The following PLCZ1 variants were observed in gnomAD, a reference collection of about 807,000 sequenced individuals.
PLCZ1 encodes phospholipase C zeta 1.
PLCZ1 carries 64 observed loss-of-function variants against 76.8 expected under a neutral mutation model. That is an observed-to-expected ratio of 0.83 (90% CI 0.68 to 1.03). The LOEUF (loss-of-function observed/expected upper bound fraction) is 1.03, where lower values mean the gene tolerates loss of function less well. Ranked by LOEUF, PLCZ1 falls within the 50% of genes least tolerant of loss-of-function variation. The probability of loss-of-function intolerance (pLI) is 0.00; values close to 1 mark genes in which losing one functional copy is unlikely to be tolerated. For missense variants in PLCZ1, 751 were observed against 713.7 expected, an observed-to-expected ratio of 1.05 and a Z score of -0.60; for synonymous variants, 248 against 230.8, an observed-to-expected ratio of 1.07 and a Z score of -0.68.
At chr12:18,697,742 CTTTA>C (rs1408836783) in intron 10 of PLCZ1, among the ~76,000 whole-genome samples, 1 of 151,962 alleles carries the variant, frequency 6.6e-6, no homozygotes, top group Non-Finnish European at 1.5e-5. Context: ...AAACCGTTAT[CTTTA>C]TTTACTATAA....
At chr12:18,680,511 A>G (rs1382353200), downstream of PLCZ1, among the ~76,000 whole-genome samples, 1 of 152,048 alleles carries the variant, frequency 6.6e-6, no homozygotes, top group African/African-American at 2.4e-5. Flanking sequence ...TTTCCCAGAC[A>G]AAAGTCCAGA....
chr12:18,669,960 G>C, the PLCZ1 span, among the ~76,000 whole-genome samples: 1 of 152,006 alleles, frequency 6.6e-6, no homozygotes, highest in Non-Finnish European at 1.5e-5. Flanking sequence ...GAGCCACCGC[G>C]CCCGGCCCTC....
chr12:18,660,960 A>T, the PLCZ1 span, among the ~76,000 whole-genome samples: 1 of 152,170 alleles, frequency 6.6e-6, no homozygotes, highest in Non-Finnish European at 1.5e-5. Flanking sequence ...ATAAAAATAT[A>T]GAAAACCCAA....
chr12:18,693,999 G>A (rs2137155075), intron 12 of PLCZ1: 1 of 1,486,716 alleles, frequency 6.7e-7, no homozygotes, highest in Admixed American at 1.7e-5. Flanking sequence ...ATGGCCTTAA[G>A]AGAACGTAGA....
At chr12:18,730,998 T>A (rs578063134) in intron 3 of PLCZ1, 2 of 152,148 alleles carry the variant, frequency 1.3e-5, no homozygotes, top group African/African-American at 2.4e-5. Flanking sequence ...TGATACCTTA[T>A]GGCCACATGC....
At chr12:18,659,867 T>C in the PLCZ1 span, among the ~76,000 whole-genome samples, 1 of 152,160 alleles carries the variant, frequency 6.6e-6, no homozygotes, top group Non-Finnish European at 1.5e-5. Flanking sequence ...AGTTAACTGC[T>C]AGTTGACTTA....
the PLCZ1 span, among the ~76,000 whole-genome samples, chr12:18,650,867 C>T: frequency 6.6e-6 from 1 of 151,002 alleles, no homozygotes; most frequent in Admixed American, 6.6e-5. Context: ...TCTGGTCCAA[C>T]TTACTGCTAT....
chr12:18,730,627 T>C (rs981906777), intron 3 of PLCZ1, among the ~76,000 whole-genome samples: 4 of 152,164 alleles, frequency 2.6e-5, no homozygotes, highest in African/African-American at 9.6e-5. Context: ...GGCCTGCTCA[T>C]GTCCGTAATC....
At chr12:18,710,882 C>A (rs942517789) in intron 6 of PLCZ1, among the ~76,000 whole-genome samples, 1 of 152,070 alleles carries the variant, frequency 6.6e-6, no homozygotes, top group Non-Finnish European at 1.5e-5. Flanking sequence ...AGTCAGGAAA[C>A]AACAGGTGCT....
chr12:18,737,334 G>A, intron 2 of PLCZ1, 27 bp downstream of exon 2: 8 of 1,606,496 alleles, frequency 5.0e-6, no homozygotes, highest in Non-Finnish European at 6.8e-6. Context: ...AGAAGAAGAG[G>A]AGCAGAAAGA....
chr12:18,737,237 AAGCAGTTCAACTTAAAT>A, intron 2 of PLCZ1, 107 bp downstream of exon 2: 2 of 1,031,910 alleles, frequency 1.9e-6, no homozygotes, highest in Non-Finnish European at 3.0e-6. Context: ...AAACAGGGAA[AAGCAGTTCAACTTAAAT>A]GAAGAGGACT....
intron 13 of PLCZ1, 28 bp downstream of exon 13, chr12:18,688,061 A>C (rs963367377): frequency 6.2e-7 from 1 of 1,607,558 alleles, no homozygotes; most frequent in South Asian, 1.1e-5. Context: ...GTCTAATGGA[A>C]ATTCAATAAG....
the PLCZ1 span, among the ~76,000 whole-genome samples, chr12:18,657,103 C>T: frequency 2.2e-4 from 33 of 152,214 alleles, no homozygotes; most frequent in Admixed American, 3.9e-4. Context: ...TTTATTTTAA[C>T]GAACTCAAAT....
At chr12:18,695,656 G>C (rs2137176596) in intron 11 of PLCZ1, among the ~76,000 whole-genome samples, 1 of 152,004 alleles carries the variant, frequency 6.6e-6, no homozygotes, top group African/African-American at 2.4e-5. Context: ...GGTAACACCT[G>C]GTACTTTCTG....
chr12:18,646,008 C>T, the PLCZ1 span, among the ~76,000 whole-genome samples: 9 of 152,074 alleles, frequency 5.9e-5, no homozygotes, highest in Admixed American at 2.6e-4. Context: ...CTCAAAATAC[C>T]CACTTAGAGA....
chr12:18,688,385 C>T (rs961581381), intron 12 of PLCZ1, among the ~76,000 whole-genome samples, 167 bp from the exon 13 acceptor site: 5 of 151,878 alleles, frequency 3.3e-5, no homozygotes, highest in African/African-American at 1.2e-4. Flanking sequence ...GTCTTTTATC[C>T]TCAGTTATCA....
chr12:18,675,107 T>C, the PLCZ1 span, among the ~76,000 whole-genome samples: 1 of 152,204 alleles, frequency 6.6e-6, no homozygotes, highest in Admixed American at 6.5e-5. Context: ...ATTAATAATG[T>C]GGCTAGAGAA....
chr12:18,691,626 G>C (rs922372039), intron 12 of PLCZ1, among the ~76,000 whole-genome samples: 1 of 152,120 alleles, frequency 6.6e-6, no homozygotes, highest in Admixed American at 6.6e-5. Context: ...GTGTAGAAAT[G>C]GAAGGGCTCT....
chr12:18,685,525 A>G (rs184575843), intron 13 of PLCZ1: 17 of 326,056 alleles, frequency 5.2e-5, no homozygotes, highest in African/African-American at 2.1e-4. Flanking sequence ...TAATTATACT[A>G]TATCTATGTT....
Sources: allele counts gnomAD v4.1 joint callset (sites outside exome capture counted in the v4.1 genomes callset), GRCh38; gene constraint gnomAD v4.1.1; transcripts MANE v1.5; gene names NCBI Gene and HGNC (gene_info 2026-07-23, HGNC 2026-07-21).